CAMKK2: variants seen among roughly 807,000 people sequenced by gnomAD.
CAMKK2 encodes calcium/calmodulin-dependent protein kinase kinase 2.
A neutral mutation model predicts 67.2 loss-of-function variants in CAMKK2; 30 were observed. The ratio of observed to expected loss-of-function variants is 0.45; its 90% CI spans 0.33 to 0.61. The LOEUF is 0.61. Ranked by LOEUF, CAMKK2 falls within the 20% of genes least tolerant of loss-of-function variation. The pLI is 0.02. For synonymous variants in CAMKK2, 322 were observed against 326.2 expected (o/e 0.99, Z 0.14); for missense variants, 643 against 802.0 (o/e 0.80, Z 2.39).
In CAMKK2 at chr12:121,240,169, G is replaced by A. The variant is rs911312220; in HGVS notation, c.*530C>T. 11 of 452,478 alleles carry A rather than the reference G, an allele frequency of 2.4e-5. No individual in the cohort carries two copies. The Admixed American group carries it at 3.1e-4, about 13-fold the overall frequency. 28.0% of individuals were successfully genotyped at this position (452,478 alleles called of 1,614,324 possible). ...ATAAGTTGCATCAAAGCTCCCTGCAGCTACTGAGGGCCAGCCCTGCTCTGA... is the reference window on the plus strand; with the variant it reads ...ATAAGTTGCATCAAAGCTCCCTGCAACTACTGAGGGCCAGCCCTGCTCTGA... On this transcript the variant is annotated 3_prime_UTR_variant, in exon 17 of 17. Transcript: ENST00000404169. The surrounding 1 kb of genome is among the most constrained non-coding windows in gnomAD (Gnocchi z 4.4).
At chr12:121,284,501 T>C (rs539795651) in intron 1 of CAMKK2, among the ~76,000 whole-genome samples, 2 of 152,214 alleles carry the variant, frequency 1.3e-5, no homozygotes, top group African/African-American at 4.8e-5. Context: ...TTTTTGTGTT[T>C]TTTGGTGGAG....
chr12:121,292,326 G>A (rs534764093), intron 1 of CAMKK2, among the ~76,000 whole-genome samples: 12 of 151,904 alleles, frequency 7.9e-5, no homozygotes, highest in Admixed American at 2.0e-4. Context: ...ACGGGGTTTC[G>A]CTATGTTGGC....
chr12:121,260,595 GGAGGTCGCA>G, intron 6 of CAMKK2: 6 of 550,082 alleles, frequency 1.1e-5, no homozygotes, highest in Admixed American at 3.7e-5. Flanking sequence ...TGAACACTCA[GGAGGTCGCA>G]AAAGGGAGGG....
rs748416243 is a variant in CAMKK2 at position 121,253,289 on chromosome 12, T to C, written c.1091A>G (p.Lys364Arg). 9.9e-6 allele frequency: 16 copies of C among 1,614,046 alleles called. No individual in the cohort carries two copies. The highest frequency in any genetic ancestry group is 3.4e-6 in the Non-Finnish European group (4 of 1,180,016). ...CAAGCTTACCTTCCCAGAGAAGATC[T>C]TGCGGGTCTCAGAGAGCGACTCGGG... ...MAPESLSETR[K>R]IFSGKALDVW... Residue 364 changes from lysine to arginine, a missense_variant, in exon 10 of 17, where the codon AAG becomes AGG. Lys to Arg is a conservative substitution (Grantham distance 26). Transcript: ENST00000404169. The surrounding 1 kb of genome is among the most constrained non-coding windows in gnomAD (Gnocchi z 5.0).
chr12:121,256,930 A>G (rs1225125892), intron 7 of CAMKK2, among the ~76,000 whole-genome samples: 1 of 151,950 alleles, frequency 6.6e-6, no homozygotes, highest in Non-Finnish European at 1.5e-5. Context: ...TATACCTAGG[A>G]GTGGAATTTC....
chr12:121,248,200 C>T (rs1445065031), intron 14 of CAMKK2, among the ~76,000 whole-genome samples: 3 of 152,172 alleles, frequency 2.0e-5, no homozygotes, highest in Non-Finnish European at 4.4e-5. Flanking sequence ...CCTGCCCCTA[C>T]CCCTGGTGGC....
intron 1 of CAMKK2, among the ~76,000 whole-genome samples, chr12:121,291,329 G>A (rs1317285189): frequency 6.6e-6 from 1 of 152,200 alleles, no homozygotes; most frequent in African/African-American, 2.4e-5. Flanking sequence ...ACACGGGAAT[G>A]GACAAAGTAG....
chr12:121,244,442 G>A (rs909812646), intron 16 of CAMKK2, 131 bp downstream of exon 16: 5 of 882,994 alleles, frequency 5.7e-6, no homozygotes, highest in Non-Finnish European at 8.6e-6. Context: ...GAGGCCCGCG[G>A]TGAGCCGGGC....
At position 121,274,141 on chromosome 12, in the gene CAMKK2, G is replaced by A. The variant is rs1385659023; in HGVS notation, c.386C>T (p.Ser129Leu). 1 of 1,587,024 alleles carries A rather than the reference G, an allele frequency of 6.3e-7. No individual in the cohort carries two copies. ...CGAGGACTGCGGGGAGCTGACGGGT[G>A]AGTAGGGCAGGGACGGGCAGATGCA... Reference protein sequence around the residue: ...GRCICPSLPYSPVSSPQSSPR... With the variant: ...GRCICPSLPYLPVSSPQSSPR... Residue 129 changes from serine to leucine, a missense_variant, in exon 2 of 17, where the codon TCA becomes TTA. This residue lies in a region of CAMKK2 where 483 missense variants were observed against 625.8 expected (regional missense o/e 0.77). Transcript: ENST00000404169.
intron 1 of CAMKK2, among the ~76,000 whole-genome samples, chr12:121,283,659 T>G (rs1193199212): frequency 1.3e-5 from 2 of 151,926 alleles, no homozygotes; most frequent in Non-Finnish European, 2.9e-5. Context: ...CAAAAAAAAT[T>G]TTTTAAATTA....
rs748707633 is a variant in CAMKK2, at chr12:121,274,263, G to A, written c.264C>T (p.Ser88=). ...GQEVPLDTSG[S]QARPHLSGRK... The stretch of plus-strand genomic sequence containing the variant: ...GACCGGAGAGGTGGGGCCGGGCCTG[G>A]GACCCGGAGGTGTCAAGGGGGACCT... The change falls in exon 2 of 17, where the codon TCC becomes TCT. Residue 88 remains serine (S), a synonymous_variant. Coordinates refer to ENST00000404169, the MANE Select transcript of CAMKK2 (RefSeq NM_001270485.2). 1.9e-6 allele frequency: 3 copies of A among 1,611,354 alleles called. No homozygotes were observed. Among genetic ancestry groups the A allele is most frequent in the Admixed American group, 1.7e-5 (1 of 59,900 alleles).
chr12:121,284,972 T>C (rs1305512773), intron 1 of CAMKK2, among the ~76,000 whole-genome samples: 1 of 152,064 alleles, frequency 6.6e-6, no homozygotes, highest in African/African-American at 2.4e-5. Flanking sequence ...TGACTAGAAG[T>C]TGTTGTTTAT....
chr12:121,243,998 A>T, intron 16 of CAMKK2: 1 of 1,534,822 alleles, frequency 6.5e-7, no homozygotes, highest in Non-Finnish European at 8.8e-7. Flanking sequence ...CTGTCCTGGG[A>T]GGTTCTGGTC....
intron 14 of CAMKK2, among the ~76,000 whole-genome samples, chr12:121,246,551 A>G (rs541468884): frequency 7.9e-5 from 12 of 152,044 alleles, no homozygotes; most frequent in African/African-American, 2.9e-4. Context: ...CATCTCAAAA[A>G]AAAAAGAGAG....
Position 121,245,292 on chromosome 12 carries a change from G to C in CAMKK2, c.1453-52C>G, listed in dbSNP as rs374380775. Reference sequence around the variant, plus strand: ...CAGGCAACTGCTTGGCCATGTGGGGGCGATTCTGGGCAACATCCTCCCTCT... The same window carrying C: ...CAGGCAACTGCTTGGCCATGTGGGGCCGATTCTGGGCAACATCCTCCCTCT... On this transcript the variant is annotated intron_variant, in intron 14 of 16. Coordinates refer to ENST00000404169, the MANE Select transcript of CAMKK2 (RefSeq NM_001270485.2). The surrounding 1 kb of genome is among the most constrained non-coding windows in gnomAD (Gnocchi z 5.8). The C allele has an allele frequency of 8.9e-7, 1 of 1,118,646 alleles. No homozygotes were observed. Among genetic ancestry groups the C allele is most frequent in the Non-Finnish European group, 1.3e-6 (1 of 750,860 alleles). The allele number at this position is 1,118,646 out of a possible 1,614,324, so 69.3% of individuals were successfully genotyped here.
intron 5 of CAMKK2, among the ~76,000 whole-genome samples, chr12:121,267,022 CTTTTTTTTTTTTTT>C (rs58762246): frequency 5.2e-4 from 16 of 30,768 alleles, no homozygotes; most frequent in South Asian, 2.3e-3. Flanking sequence ...GTGCTCTGGC[CTTTTTTTTTTTTTT>C]TTTTTTTTTT....
chr12:121,259,289 G>C (rs947607920), intron 7 of CAMKK2, among the ~76,000 whole-genome samples: 7 of 152,132 alleles, frequency 4.6e-5, no homozygotes, highest in African/African-American at 1.7e-4. Context: ...GTCCTGCTCG[G>C]GGTTTTTGTT....
intron 16 of CAMKK2, among the ~76,000 whole-genome samples, chr12:121,242,885 G>A (rs1177499586): frequency 6.6e-6 from 1 of 151,884 alleles, no homozygotes; most frequent in Non-Finnish European, 1.5e-5. Context: ...TGGGACTACA[G>A]GCGCCCGCCA....
At chr12:121,266,455 C>T (rs1420280953) in intron 5 of CAMKK2, among the ~76,000 whole-genome samples, 4 of 150,682 alleles carry the variant, frequency 2.7e-5, no homozygotes, top group East Asian at 3.9e-4. Context: ...CCTGGTGCAG[C>T]GTTTGGATAA....
Sources: gnomAD v4.1 joint callset for allele counts (sites outside exome capture counted in the v4.1 genomes callset) on GRCh38, gnomAD v4.1.1 for gene constraint, gnomAD v4.1.1 regional missense constraint, Gnocchi (gnomAD v3.1) non-coding constraint, MANE v1.5 for transcripts, NCBI Gene and HGNC (gene_info 2026-07-23, HGNC 2026-07-21) for gene names.